Variants in USP18 observed in about 807,000 individuals in gnomAD.
The protein encoded by USP18 is ubl carboxyl-terminal hydrolase 18.
Under a neutral mutation model 48.7 loss-of-function variants are expected in USP18, and 11 were observed. The ratio of observed to expected loss-of-function variants is 0.23; its 90% CI spans 0.14 to 0.37. The LOEUF (loss-of-function observed/expected upper bound fraction) is 0.37, where lower values mean the gene tolerates loss of function less well. USP18 is among the 10% of genes least tolerant of loss of function. The pLI is 1.00. For missense variants in USP18, 285 were observed against 436.4 expected (o/e 0.65, Z 3.09); for synonymous variants, 114 against 163.2 (o/e 0.70, Z 2.30).
chr22:18,151,799 G>A (rs1378361969), intron 1 of USP18, among the ~76,000 whole-genome samples: 2 of 152,186 alleles, frequency 1.3e-5, no homozygotes, highest in Non-Finnish European at 2.9e-5. Flanking sequence ...GCTCACGCCT[G>A]TAATCCCAGC....
intron 1 of USP18, among the ~76,000 whole-genome samples, chr22:18,152,459 C>CAAA (rs34118953): frequency 1.3e-4 from 16 of 127,114 alleles, no homozygotes; most frequent in Middle Eastern, 4.3e-3. Flanking sequence ...GAACGTGAAC[C>CAAA]AAAAAAAAAA....
chr22:18,170,616 C>A lies in USP18; in HGVS notation c.724-137C>A. The A allele has an allele frequency of 2.6e-6, 3 of 1,174,764 alleles. 1 individual carries two copies. The highest frequency in any genetic ancestry group is 3.5e-6 in the Non-Finnish European group (3 of 859,522). The allele number at this position is 1,174,764 out of a possible 1,614,324, so 72.8% of individuals were successfully genotyped here. A position where few individuals can be genotyped will look rare whatever the true frequency, so the allele number is the denominator to read the frequency against. ...TATTCTCAGAGGAGCTCAGCAGATT[C>A]GGCGAACAGGAGCCTTGAACTCCGT... On this transcript the variant is annotated intron_variant, in intron 7 of 10. Coordinates refer to ENST00000215794, the MANE Select transcript of USP18 (RefSeq NM_017414.4).
intron 4 of USP18, among the ~76,000 whole-genome samples, chr22:18,166,938 T>C (rs1203929930): frequency 6.6e-6 from 1 of 151,650 alleles, no homozygotes; most frequent in Non-Finnish European, 1.5e-5. Context: ...GGAGTCTTGC[T>C]ATGTTGCCCA....
intron 3 of USP18, among the ~76,000 whole-genome samples, chr22:18,160,683 A>G (rs1325266013): frequency 5.3e-5 from 8 of 152,032 alleles, no homozygotes; most frequent in Non-Finnish European, 8.8e-5. Flanking sequence ...CTGGCAGAGG[A>G]AAGATTGGCT....
intron 1 of USP18, among the ~76,000 whole-genome samples, chr22:18,155,606 C>A (rs2123726585): frequency 6.6e-6 from 1 of 152,088 alleles, no homozygotes; most frequent in Admixed American, 6.5e-5. Flanking sequence ...GCTCGGCGGG[C>A]CCGCACTCGG....
chr22:18,167,009 G>A (rs1251829083), intron 4 of USP18, among the ~76,000 whole-genome samples: 1 of 152,104 alleles, frequency 6.6e-6, no homozygotes, highest in Non-Finnish European at 1.5e-5. Context: ...GAAGTGTTAA[G>A]ATTATAGGCA....
chr22:18,172,897 T>C (rs1292416713), intron 8 of USP18, among the ~76,000 whole-genome samples: 2 of 147,330 alleles, frequency 1.4e-5, no homozygotes, highest in East Asian at 3.9e-4. Flanking sequence ...AATCTTGCCT[T>C]GGCTTTGGGG....
intron 1 of USP18, among the ~76,000 whole-genome samples, chr22:18,150,441 CA>C (rs66577710): frequency 0.08 from 12,216 of 151,980 alleles, 530 homozygotes; most frequent in Admixed American, 0.097. Context: ...TTAATTAAAA[CA>C]AAAAAAGAAA....
At chr22:18,164,301 C>T (rs549243275) in intron 4 of USP18, among the ~76,000 whole-genome samples, 6 of 151,780 alleles carry the variant, frequency 4.0e-5, no homozygotes, top group African/African-American at 4.8e-5. Flanking sequence ...AAGTAGGAGC[C>T]GGGCCTTTTT....
At chr22:18,174,333 T>C (rs2123744097) in intron 10 of USP18, among the ~76,000 whole-genome samples, 1 of 151,972 alleles carries the variant, frequency 6.6e-6, no homozygotes, top group Non-Finnish European at 1.5e-5. Flanking sequence ...GTTCAAGCGA[T>C]TCTCCTGCCT....
At position 18,167,343 on chromosome 22, in the gene USP18, C is replaced by T. The variant is rs1929501435; in HGVS notation, c.480+9C>T. On this transcript the variant is annotated intron_variant, in intron 5 of 10. Transcript: ENST00000215794. ...TCACTGATGTGCACTTGGTAAGAACCTAGAACCAGAGCACTCGGAAGCTTA... is the reference window on the plus strand; with the variant it reads ...TCACTGATGTGCACTTGGTAAGAACTTAGAACCAGAGCACTCGGAAGCTTA... The T allele has an allele frequency of 1.2e-6, 2 of 1,613,604 alleles. No individual in the cohort carries two copies. The highest frequency in any genetic ancestry group is 1.7e-6 in the Non-Finnish European group (2 of 1,179,700).
rs118093872 is a variant in USP18 at position 18,164,756 on chromosome 22, C to A, written c.401-2499C>A. Reference sequence around the variant, plus strand: ...AAACTGCCTCTTTGCCCTCTGTGGTCGCAGAGGATTCATAACTGCTGACCC... The same window carrying A: ...AAACTGCCTCTTTGCCCTCTGTGGTAGCAGAGGATTCATAACTGCTGACCC... On this transcript the variant is annotated intron_variant, in intron 4 of 10. Transcript: ENST00000215794. 7.9e-5 allele frequency among the ~76,000 whole-genome samples: 12 copies of A among 152,270 alleles called. 1 individual carries two copies. In the East Asian group the frequency reaches 2.3e-3, roughly 29 times the overall value.
At chr22:18,172,280 C>T (rs1222295548) in intron 8 of USP18, among the ~76,000 whole-genome samples, 2 of 152,154 alleles carry the variant, frequency 1.3e-5, no homozygotes, top group African/African-American at 4.8e-5. Context: ...TTTTTTGAAG[C>T]AAATCCCAGA....
intron 5 of USP18, 145 bp downstream of exon 5, chr22:18,167,479 C>A: frequency 2.0e-6 from 2 of 1,007,814 alleles, no homozygotes; most frequent in South Asian, 3.3e-5. Flanking sequence ...AGGCGGATCA[C>A]GAGGTCAGGA....
chr22:18,169,079 G>A (rs1326437266), intron 6 of USP18, among the ~76,000 whole-genome samples: 3 of 152,122 alleles, frequency 2.0e-5, no homozygotes, highest in Admixed American at 1.3e-4. Flanking sequence ...GCTGCAAAGT[G>A]TGGGGAGGCT....
At chr22:18,170,307 G>A (rs543399738) in intron 7 of USP18, among the ~76,000 whole-genome samples, 57 of 152,208 alleles carry the variant, frequency 3.7e-4, no homozygotes, top group Non-Finnish European at 7.6e-4. Context: ...CAGAGGCCCC[G>A]AGGACACCCC....
intron 6 of USP18, among the ~76,000 whole-genome samples, chr22:18,169,152 A>C (rs989486363): frequency 2.0e-4 from 30 of 152,118 alleles, no homozygotes; most frequent in African/African-American, 7.0e-4. Flanking sequence ...TGTAATCCCC[A>C]GTGTTGGAGG....
intron 2 of USP18, among the ~76,000 whole-genome samples, 186 bp downstream of exon 2, chr22:18,158,006 A>G (rs1929219725): frequency 6.6e-6 from 1 of 152,114 alleles, no homozygotes; most frequent in Non-Finnish European, 1.5e-5. Context: ...AAACAAAAAC[A>G]AGGTCGGGCG....
chr22:18,159,777 A>G (rs35411594), intron 2 of USP18, among the ~76,000 whole-genome samples: 16,437 of 144,618 alleles, frequency 0.11, 1,209 homozygotes, highest in Non-Finnish European at 0.15. Context: ...CTGGGTTCAC[A>G]CCATTCTCCT....
Sources: allele counts gnomAD v4.1 joint callset (sites outside exome capture counted in the v4.1 genomes callset), GRCh38; gene constraint gnomAD v4.1.1; transcripts MANE v1.5; gene names NCBI Gene and HGNC (gene_info 2026-07-23, HGNC 2026-07-21).